The following PCDHA4 variants were observed in gnomAD, a reference collection of about 807,000 sequenced individuals.
PCDHA4 encodes protocadherin alpha 4, also known as protocadherin alpha-4.
In PCDHA4, 49 loss-of-function variants were observed where a neutral mutation model predicts 61.4. That is an observed-to-expected ratio of 0.80 (90% CI 0.63 to 1.01). PCDHA4 has a LOEUF of 1.01. Ranked by LOEUF, PCDHA4 falls within the 50% of genes least tolerant of loss-of-function variation. The pLI is 0.00. For synonymous variants in PCDHA4, 590 were observed against 550.3 expected, an observed-to-expected ratio of 1.07 and a Z score of -1.01; for missense variants, 1,254 against 1,235.8, an observed-to-expected ratio of 1.01 and a Z score of -0.22.
rs782251882 is a variant in PCDHA4 at position 140,869,140 on chromosome 5, C to T, written c.2385+59568C>T. 4 of 1,613,188 alleles carry T rather than the reference C, an allele frequency of 2.5e-6. No homozygotes were observed. In the South Asian group the frequency reaches 3.3e-5, roughly 13 times the overall value. On this transcript the variant is annotated intron_variant, in intron 1 of 3. Coordinates refer to ENST00000530339, the MANE Select transcript of PCDHA4 (RefSeq NM_018907.4). ...TCAGAGAAGGGGATTGGGCACCCCA[C>T]GACTACAGCTCTGGCTTCTCCTCCT...
chr5:140,909,066 T>G (rs1554193625), intron 1 of PCDHA4, among the ~76,000 whole-genome samples: 1 of 152,200 alleles, frequency 6.6e-6, no homozygotes, highest in African/African-American at 2.4e-5. Flanking sequence ...GTCTCACCAA[T>G]AAGCCCAGTG....
rs782552456 is a variant in PCDHA4, at chr5:140,870,511, G to T, written c.2385+60939G>T. On this transcript the variant is annotated intron_variant, in intron 1 of 3. Transcript: ENST00000530339. ...GTTCGTGAAGGAGAACAACCCACCA[G>T]GCTGCCACATCTTCACAGTGTCGGC... 9.9e-6 allele frequency: 16 copies of T among 1,614,242 alleles called. No homozygotes were observed. The highest frequency in any genetic ancestry group is 1.3e-5 in the Non-Finnish European group (15 of 1,180,048).
intron 1 of PCDHA4, among the ~76,000 whole-genome samples, chr5:140,922,031 G>T (rs933616833): frequency 6.6e-6 from 1 of 152,010 alleles, no homozygotes; most frequent in African/African-American, 2.4e-5. Context: ...TATAAAAAAT[G>T]TAATTTTCCC....
At chr5:140,866,347 A>G (rs1554160242) in intron 1 of PCDHA4, 2 of 152,140 alleles carry the variant, frequency 1.3e-5, no homozygotes, top group Admixed American at 6.5e-5. Context: ...GGATTCAAGA[A>G]ATGTTTACAA....
intron 3 of PCDHA4, among the ~76,000 whole-genome samples, chr5:140,989,478 G>A (rs1319813384): frequency 2.0e-5 from 3 of 152,204 alleles, no homozygotes; most frequent in Admixed American, 6.5e-5. Context: ...CTCCTGGGAG[G>A]TGCTTGAACA....
intron 1 of PCDHA4, among the ~76,000 whole-genome samples, chr5:140,975,810 A>T (rs1310331964): frequency 7.4e-6 from 1 of 134,690 alleles, no homozygotes; most frequent in African/African-American, 2.5e-5. Context: ...TTATAATTTT[A>T]ATAGGAACTG....
chr5:140,933,332 G>A (rs2089060279), intron 1 of PCDHA4, among the ~76,000 whole-genome samples: 1 of 151,968 alleles, frequency 6.6e-6, no homozygotes, highest in African/African-American at 2.4e-5. Context: ...CTGTGCTGTA[G>A]AGAAAGATAA....
intron 1 of PCDHA4, chr5:140,848,600 C>CTA (rs2040492511): frequency 6.3e-7 from 1 of 1,593,634 alleles, no homozygotes; most frequent in Non-Finnish European, 8.6e-7. Flanking sequence ...ACTACTCCGT[C>CTA]CCGGAGGAAG....
At chr5:140,823,837 C>T (rs1767893476) in intron 1 of PCDHA4, 4 of 1,613,714 alleles carry the variant, frequency 2.5e-6, no homozygotes, top group Middle Eastern at 1.6e-4. Context: ...CGCTGTGGGT[C>T]CCGAGGCTGC....
Position 140,808,669 on chromosome 5 carries a change from G to A in PCDHA4, c.1482G>A (p.Leu494=), listed in dbSNP as rs138044837. 1 of 1,612,884 alleles carries A rather than the reference G, an allele frequency of 6.2e-7. No individual in the cohort carries two copies. The change falls in exon 1 of 4, where the codon CTG becomes CTA. Residue 494 remains leucine, a synonymous_variant. Coordinates refer to ENST00000530339, the MANE Select transcript of PCDHA4 (RefSeq NM_018907.4). ...AQENALVSYS[L]VERRVGERAL... The stretch of plus-strand genomic sequence containing the variant: ...AGAACGCGCTGGTGTCCTACTCGCT[G>A]GTAGAGCGGCGGGTAGGGGAGCGCG...
intron 1 of PCDHA4, chr5:140,968,266 G>A: frequency 6.2e-7 from 1 of 1,614,080 alleles, no homozygotes; most frequent in Non-Finnish European, 8.5e-7. Context: ...ATGAAAAGGA[G>A]AATGCAGAGG....
At chr5:140,829,701 C>G in intron 1 of PCDHA4, 1 of 1,613,356 alleles carries the variant, frequency 6.2e-7, no homozygotes, top group East Asian at 2.2e-5. Context: ...CAGGTGAGCG[C>G]GCGCGACGCG....
chr5:140,928,276 G>A (rs2153595075), intron 1 of PCDHA4: 2 of 1,614,172 alleles, frequency 1.2e-6, no homozygotes, highest in South Asian at 1.1e-5. Context: ...TGGCCCTGGG[G>A]CCTCTCTAGG....
intron 1 of PCDHA4, among the ~76,000 whole-genome samples, chr5:140,879,397 G>A (rs973374921): frequency 6.6e-6 from 1 of 152,188 alleles, no homozygotes; most frequent in Non-Finnish European, 1.5e-5. Context: ...AACAGTTTGT[G>A]TGTATTTGAG....
At chr5:140,876,499 G>T in intron 1 of PCDHA4, 1 of 1,614,028 alleles carries the variant, frequency 6.2e-7, no homozygotes, top group South Asian at 1.1e-5. Flanking sequence ...AGTTCTGGAC[G>T]TGAATGACAA....
At chr5:140,892,260 T>C (rs2063449120) in intron 1 of PCDHA4, among the ~76,000 whole-genome samples, 1 of 152,218 alleles carries the variant, frequency 6.6e-6, no homozygotes, top group East Asian at 1.9e-4. Flanking sequence ...TCTTTGATTT[T>C]GTGCTGAAAG....
chr5:140,889,561 C>A (rs1170749193), intron 1 of PCDHA4, among the ~76,000 whole-genome samples: 1 of 151,898 alleles, frequency 6.6e-6, no homozygotes, highest in African/African-American at 2.4e-5. Flanking sequence ...CTTCAGAATT[C>A]TGCTTTCTGA....
intron 1 of PCDHA4, among the ~76,000 whole-genome samples, chr5:140,917,311 G>T (rs2078013594): frequency 6.7e-6 from 1 of 148,748 alleles, no homozygotes; most frequent in Non-Finnish European, 1.5e-5. Flanking sequence ...GTTACAATTT[G>T]GTGTTCATGT....
chr5:140,827,852 A>C (rs1554130902), intron 1 of PCDHA4: 2 of 494,614 alleles, frequency 4.0e-6, no homozygotes, highest in Non-Finnish European at 6.9e-6. Context: ...ACTGTTTTAA[A>C]AATATATGGT....
Sources: allele counts gnomAD v4.1 joint callset (sites outside exome capture counted in the v4.1 genomes callset), GRCh38; gene constraint gnomAD v4.1.1; transcripts MANE v1.5; gene names NCBI Gene and HGNC (gene_info 2026-07-23, HGNC 2026-07-21).